Variants in ZBTB7C observed in about 807,000 individuals in gnomAD.
ZBTB7C encodes the protein zinc finger and BTB domain-containing protein 7C.
Under a neutral mutation model 25.7 loss-of-function variants are expected in ZBTB7C, and 8 were observed. The ratio of observed to expected loss-of-function variants is 0.31; its 90% CI spans 0.18 to 0.56. ZBTB7C has a LOEUF of 0.56. Among genes scored for constraint, ZBTB7C ranks in the 20% least tolerant of loss-of-function variants. The pLI, the probability that ZBTB7C is intolerant of heterozygous loss-of-function variation, is 0.91. For missense variants in ZBTB7C, 824 were observed against 855.2 expected, an observed-to-expected ratio of 0.96 and a Z score of 0.46; for synonymous variants, 394 against 369.0, an observed-to-expected ratio of 1.07 and a Z score of -0.78.
intron 2 of ZBTB7C, among the ~76,000 whole-genome samples, chr18:48,280,003 T>C (rs1290262229): frequency 6.6e-6 from 1 of 152,206 alleles, no homozygotes; most frequent in African/African-American, 2.4e-5. Flanking sequence ...AAATTTTTAT[T>C]GAGCATCTAC....
intron 2 of ZBTB7C, among the ~76,000 whole-genome samples, chr18:48,321,092 C>T (rs1036954575): frequency 6.6e-6 from 1 of 152,228 alleles, no homozygotes; most frequent in Admixed American, 6.5e-5. Context: ...TGAGTCTCAC[C>T]CCACGACTGT....
At chr18:48,120,914 C>T (rs1451610201) in intron 3 of ZBTB7C, among the ~76,000 whole-genome samples, 1 of 152,226 alleles carries the variant, frequency 6.6e-6, no homozygotes, top group African/African-American at 2.4e-5. Flanking sequence ...GGAACACCAG[C>T]CCTGAAGGAC....
chr18:48,049,130 A>G (rs1429697300), intron 3 of ZBTB7C, among the ~76,000 whole-genome samples: 3 of 152,156 alleles, frequency 2.0e-5, no homozygotes, highest in African/African-American at 4.8e-5. Flanking sequence ...CCTCTTGCAT[A>G]AATAGGTTAA....
intron 2 of ZBTB7C, among the ~76,000 whole-genome samples, chr18:48,302,947 C>T (rs1023071498): frequency 2.0e-5 from 3 of 152,044 alleles, no homozygotes; most frequent in Non-Finnish European, 2.9e-5. Context: ...GTCCCATTAG[C>T]GTTCACAGTG....
intron 3 of ZBTB7C, among the ~76,000 whole-genome samples, chr18:48,107,197 G>C (rs926377683): frequency 7.3e-5 from 11 of 151,516 alleles, no homozygotes; most frequent in Admixed American, 3.3e-4. Context: ...AGGGAGGTCA[G>C]GAGGGAGGAG....
intron 3 of ZBTB7C, among the ~76,000 whole-genome samples, chr18:48,072,288 G>A (rs996022234): frequency 6.6e-6 from 1 of 152,214 alleles, no homozygotes. Flanking sequence ...GACCCCAAAC[G>A]GGGATAAAAA....
chr18:48,075,392 A>G (rs1335904945), intron 3 of ZBTB7C, among the ~76,000 whole-genome samples: 1 of 152,216 alleles, frequency 6.6e-6, no homozygotes, highest in African/African-American at 2.4e-5. Context: ...CCCAGTGCCC[A>G]ATAAGGAGAA....
At chr18:48,294,228 C>A (rs1241132941) in intron 2 of ZBTB7C, among the ~76,000 whole-genome samples, 1 of 152,182 alleles carries the variant, frequency 6.6e-6, no homozygotes, top group Non-Finnish European at 1.5e-5. Flanking sequence ...TAATCACCTG[C>A]GGAAGGCACA....
At chr18:48,412,242 A>T (rs553171564), upstream of ZBTB7C, among the ~76,000 whole-genome samples, 1 of 152,192 alleles carries the variant, frequency 6.6e-6, no homozygotes, top group Non-Finnish European at 1.5e-5. Flanking sequence ...ATAAACTCTA[A>T]ATAAATTATC....
At chr18:48,244,664 A>G (rs2043626106) in intron 2 of ZBTB7C, among the ~76,000 whole-genome samples, 2 of 152,216 alleles carry the variant, frequency 1.3e-5, no homozygotes, top group East Asian at 1.9e-4. Context: ...AAGAAGATAT[A>G]CAAACAGCAA....
At chr18:48,137,120 C>CGGGA in intron 3 of ZBTB7C, 2 of 985,470 alleles carry the variant, frequency 2.0e-6, no homozygotes, top group Non-Finnish European at 2.4e-6. Context: ...CCGCAGCCGG[C>CGGGA]GGGAGGTTGT....
chr18:48,407,827 G>T (rs2048316029), intron 1 of ZBTB7C, among the ~76,000 whole-genome samples: 1 of 152,080 alleles, frequency 6.6e-6, no homozygotes, highest in Non-Finnish European at 1.5e-5. Context: ...CACCTCTCAC[G>T]CAGTTTTGTA....
intron 2 of ZBTB7C, among the ~76,000 whole-genome samples, chr18:48,197,244 CATCCTGCCTCCAAT>C (rs1196182228): frequency 0.23 from 934 of 4,106 alleles, 15 homozygotes; most frequent in Admixed American, 0.4. Flanking sequence ...TCCTGAAGAT[CATCCTGCCTCCAAT>C]CATCCTGCCT....
chr18:48,390,522 A>G (rs2047875391), intron 1 of ZBTB7C, among the ~76,000 whole-genome samples: 1 of 152,258 alleles, frequency 6.6e-6, no homozygotes, highest in Admixed American at 6.5e-5. Flanking sequence ...ATGCCCAGTC[A>G]CGGTCCCAAG....
intron 3 of ZBTB7C, among the ~76,000 whole-genome samples, chr18:48,132,864 T>C (rs2040029136): frequency 1.3e-5 from 2 of 152,228 alleles, no homozygotes; most frequent in South Asian, 2.1e-4. Flanking sequence ...CCTGCAGGTA[T>C]GTGTACAACG....
intron 2 of ZBTB7C, among the ~76,000 whole-genome samples, chr18:48,186,357 G>C (rs1222022275): frequency 6.6e-6 from 1 of 152,232 alleles, no homozygotes; most frequent in African/African-American, 2.4e-5. Context: ...CGTGCAGCTC[G>C]GAAGGCCTTC....
chr18:48,267,368 C>T (rs2044344962), intron 2 of ZBTB7C, among the ~76,000 whole-genome samples: 3 of 152,318 alleles, frequency 2.0e-5, no homozygotes, highest in Non-Finnish European at 4.4e-5. Context: ...TAAAACTAAT[C>T]GGCAGGGATA....
At chr18:48,218,731 G>A (rs1040791120) in intron 2 of ZBTB7C, among the ~76,000 whole-genome samples, 1 of 152,138 alleles carries the variant, frequency 6.6e-6, no homozygotes, top group African/African-American at 2.4e-5. Flanking sequence ...CAAGCCTTCT[G>A]CACCACTGCC....
At chr18:48,338,515 A>T (rs1411108206) in intron 1 of ZBTB7C, 117 bp from the exon 2 acceptor site, 1 of 152,114 alleles carries the variant, frequency 6.6e-6, no homozygotes, top group Non-Finnish European at 1.5e-5. Flanking sequence ...TAGGGCCTGC[A>T]ATTCTTCATG....
Sources: allele counts gnomAD v4.1 joint callset (sites outside exome capture counted in the v4.1 genomes callset), GRCh38; gene constraint gnomAD v4.1.1; transcripts MANE v1.5; gene names NCBI Gene and HGNC (gene_info 2026-07-23, HGNC 2026-07-21).